The following SBF2 variants were observed in gnomAD, a reference collection of about 807,000 sequenced individuals.
SBF2 encodes the protein myotubularin-related protein 13.
A neutral mutation model predicts 225.2 loss-of-function variants in SBF2; 112 were observed. That is an observed-to-expected ratio of 0.50 (90% CI 0.43 to 0.58). The LOEUF (loss-of-function observed/expected upper bound fraction) is 0.58, where lower values mean the gene tolerates loss of function less well. Among genes scored for constraint, SBF2 ranks in the 20% least tolerant of loss-of-function variants. The pLI, the probability that SBF2 is intolerant of heterozygous loss-of-function variation, is 0.00. For missense variants in SBF2, 1,996 were observed against 2,206.2 expected (o/e 0.90, Z 1.91); for synonymous variants, 763 against 773.3 (o/e 0.99, Z 0.22).
chr11:10,245,376 A>C (rs1468599424), intron 1 of SBF2, among the ~76,000 whole-genome samples: 1 of 151,772 alleles, frequency 6.6e-6, no homozygotes, highest in Non-Finnish European at 1.5e-5. Flanking sequence ...TTGCCATTGA[A>C]TAGCCACTGC....
At chr11:10,115,566 C>T (rs1257952661) in intron 2 of SBF2, among the ~76,000 whole-genome samples, 1 of 152,172 alleles carries the variant, frequency 6.6e-6, no homozygotes, top group Non-Finnish European at 1.5e-5. Context: ...GATATTCTCA[C>T]ATTGGTAACT....
At chr11:10,132,550 A>C (rs1954112780) in intron 2 of SBF2, among the ~76,000 whole-genome samples, 2 of 145,242 alleles carry the variant, frequency 1.4e-5, no homozygotes, top group Admixed American at 7.0e-5. Context: ...GCGCGTCTGG[A>C]GTTGTTCGTT....
At chr11:9,955,430 G>A (rs1487353065) in intron 16 of SBF2, among the ~76,000 whole-genome samples, 1 of 151,962 alleles carries the variant, frequency 6.6e-6, no homozygotes, top group Non-Finnish European at 1.5e-5. Flanking sequence ...ATATATAGAT[G>A]TACTTGTTTC....
intron 31 of SBF2, chr11:9,808,659 A>G (rs548789414): frequency 3.3e-5 from 15 of 454,346 alleles, no homozygotes; most frequent in South Asian, 2.0e-4. Flanking sequence ...CTCCATCCGC[A>G]AGCCTGCATG....
intron 6 of SBF2, among the ~76,000 whole-genome samples, chr11:10,008,442 T>C (rs1014282034): frequency 3.9e-5 from 6 of 152,202 alleles, no homozygotes; most frequent in Admixed American, 6.5e-5. Flanking sequence ...CTCAAAACAG[T>C]TGCCTTGGTC....
At chr11:9,992,286 A>G in intron 12 of SBF2, 129 bp downstream of exon 12, 1 of 704,760 alleles carries the variant, frequency 1.4e-6, no homozygotes. Flanking sequence ...AAGCATAATA[A>G]ATAACATTGG....
chr11:10,165,566 C>T (rs1032757170), intron 2 of SBF2, among the ~76,000 whole-genome samples: 1 of 152,150 alleles, frequency 6.6e-6, no homozygotes, highest in Admixed American at 6.5e-5. Flanking sequence ...CAGAGGACAA[C>T]TTCATTAAGA....
intron 2 of SBF2, among the ~76,000 whole-genome samples, chr11:10,172,767 A>G (rs565311114): frequency 6.6e-6 from 1 of 152,148 alleles, no homozygotes; most frequent in South Asian, 2.1e-4. Flanking sequence ...CCTGGGTTCA[A>G]GCGATTCTCA....
At chr11:10,003,372 CT>C (rs35409690) in intron 6 of SBF2, among the ~76,000 whole-genome samples, 68,014 of 138,470 alleles carry the variant, frequency 0.49, 16,090 homozygotes, top group Admixed American at 0.58. Context: ...TTTCTTTTTT[CT>C]TTTTTTTTTT....
chr11:9,989,306 G>A (rs1389255913), intron 13 of SBF2, among the ~76,000 whole-genome samples, 191 bp downstream of exon 13: 9 of 152,000 alleles, frequency 5.9e-5, no homozygotes, highest in Non-Finnish European at 1.0e-4. Flanking sequence ...AGAGTGGGAG[G>A]GAGGCGAGGG....
intron 17 of SBF2, among the ~76,000 whole-genome samples, chr11:9,883,488 A>C (rs1859998688): frequency 6.6e-6 from 1 of 152,288 alleles, no homozygotes. Context: ...TAGGTTCTGA[A>C]ATCAGACTAA....
intron 32 of SBF2, among the ~76,000 whole-genome samples, chr11:9,805,394 G>A (rs549222730): frequency 1.3e-5 from 2 of 152,164 alleles, no homozygotes; most frequent in South Asian, 2.1e-4. Flanking sequence ...AGTCGTCCAC[G>A]GTATGGATGT....
chr11:10,293,141 C>A (rs1444760926), intron 1 of SBF2, among the ~76,000 whole-genome samples: 1 of 152,170 alleles, frequency 6.6e-6, no homozygotes, highest in Non-Finnish European at 1.5e-5. Flanking sequence ...GGTTTCCCAG[C>A]TCAATTTGTT....
At chr11:10,280,337 A>G (rs2135558522) in intron 1 of SBF2, among the ~76,000 whole-genome samples, 1 of 152,330 alleles carries the variant, frequency 6.6e-6, no homozygotes, top group South Asian at 2.1e-4. Context: ...CAACATAAGG[A>G]ACTTTATTCC....
At chr11:10,028,624 A>G in intron 5 of SBF2, 67 bp from the exon 6 acceptor site, 1 of 1,035,188 alleles carries the variant, frequency 9.7e-7, no homozygotes, top group Admixed American at 1.7e-5. Context: ...AAATAAAAAT[A>G]CCTTCGATGT....
intron 2 of SBF2, among the ~76,000 whole-genome samples, chr11:10,069,642 T>A (rs1950783532): frequency 6.6e-6 from 1 of 152,160 alleles, no homozygotes. Flanking sequence ...GTCTTTATAT[T>A]AGAATGATTG....
intron 6 of SBF2, among the ~76,000 whole-genome samples, chr11:10,018,401 C>A (rs986975885): frequency 1.2e-4 from 18 of 152,096 alleles, no homozygotes; most frequent in Admixed American, 2.6e-4. Context: ...ATCCTGCCAC[C>A]ATTTGGAAGC....
At chr11:10,140,102 C>T (rs1591050195) in intron 2 of SBF2, among the ~76,000 whole-genome samples, 1 of 152,194 alleles carries the variant, frequency 6.6e-6, no homozygotes, top group Non-Finnish European at 1.5e-5. Flanking sequence ...GCTTCTAAAA[C>T]CCTTGTAATT....
Position 10,063,830 on chromosome 11 carries a change from A to AACACACAC in SBF2, c.142-20857_142-20850dup, listed in dbSNP as rs140036479. ...CACCAATAAAAATTATCTAAAATAA[A>AACACACAC]ACACACACACACACACACACACACA... On this transcript the variant is annotated intron_variant, in intron 2 of 39. Coordinates refer to ENST00000256190, the MANE Select transcript of SBF2 (RefSeq NM_030962.4). Among the ~76,000 whole-genome samples the AACACACAC allele has an allele frequency of 8.6e-5, 12 of 140,234 alleles. No homozygotes were observed. In the South Asian group the frequency reaches 1.2e-3, roughly 14 times the overall value. 92.0% of individuals were successfully genotyped at this position (140,234 alleles called of 152,430 possible).
Sources: allele counts gnomAD v4.1 joint callset (sites outside exome capture counted in the v4.1 genomes callset), GRCh38; gene constraint gnomAD v4.1.1; transcripts MANE v1.5; gene names NCBI Gene and HGNC (gene_info 2026-07-23, HGNC 2026-07-21).